TAFA1: variants seen among roughly 807,000 people sequenced by gnomAD.
The protein encoded by TAFA1 is TAFA chemokine like family member 1.
Under a neutral mutation model 18.5 loss-of-function variants are expected in TAFA1, and 4 were observed. The ratio of observed to expected loss-of-function variants is 0.22; its 90% CI spans 0.11 to 0.49. The LOEUF is 0.49. Ranked by LOEUF, TAFA1 falls within the 20% of genes least tolerant of loss-of-function variation. The pLI, the probability that TAFA1 is intolerant of heterozygous loss-of-function variation, is 0.98. For synonymous variants in TAFA1, 56 were observed against 55.2 expected (o/e 1.01, Z -0.06); for missense variants, 147 against 169.0 (o/e 0.87, Z 0.72).
At chr3:68,430,779 G>A (rs905451175) in intron 3 of TAFA1, among the ~76,000 whole-genome samples, 2 of 151,816 alleles carry the variant, frequency 1.3e-5, no homozygotes, top group Admixed American at 6.6e-5. Context: ...ACTCCCAACC[G>A]CTCACACTGC....
intron 2 of TAFA1, among the ~76,000 whole-genome samples, chr3:68,338,289 A>C (rs2069011436): frequency 6.6e-6 from 1 of 152,162 alleles, no homozygotes; most frequent in African/African-American, 2.4e-5. Context: ...TTTAATTCCA[A>C]AGCAATTGCC....
At chr3:68,041,491 C>A (rs1575587733) in intron 2 of TAFA1, among the ~76,000 whole-genome samples, 1 of 152,014 alleles carries the variant, frequency 6.6e-6, no homozygotes, top group Admixed American at 6.6e-5. Context: ...TTTTTTCTCC[C>A]ATTTTCCTGA....
At chr3:68,068,616 C>T (rs1044371723) in intron 2 of TAFA1, among the ~76,000 whole-genome samples, 3 of 152,110 alleles carry the variant, frequency 2.0e-5, no homozygotes, top group South Asian at 2.1e-4. Flanking sequence ...AAGACAAACC[C>T]GAGAGAACAT....
chr3:68,313,765 G>A (rs1218205665), intron 2 of TAFA1, among the ~76,000 whole-genome samples: 1 of 152,126 alleles, frequency 6.6e-6, no homozygotes, highest in Non-Finnish European at 1.5e-5. Context: ...TGTGTTGTTT[G>A]CCTAAATCAA....
chr3:68,496,907 C>T (rs1039119603), intron 3 of TAFA1, among the ~76,000 whole-genome samples: 1 of 152,014 alleles, frequency 6.6e-6, no homozygotes, highest in African/African-American at 2.4e-5. Flanking sequence ...CCCACAACAC[C>T]ATCATCATCA....
At chr3:68,514,982 G>T (rs2072900469) in intron 3 of TAFA1, among the ~76,000 whole-genome samples, 1 of 151,900 alleles carries the variant, frequency 6.6e-6, no homozygotes, top group South Asian at 2.1e-4. Flanking sequence ...TAATAAAATG[G>T]CTATTGTTTC....
At chr3:68,276,446 T>C (rs1437459984) in intron 2 of TAFA1, among the ~76,000 whole-genome samples, 1 of 152,164 alleles carries the variant, frequency 6.6e-6, no homozygotes, top group African/African-American at 2.4e-5. Flanking sequence ...AAAGTATTAA[T>C]GCCATGCCAC....
At chr3:68,294,508 GC>G (rs541527814) in intron 2 of TAFA1, among the ~76,000 whole-genome samples, 152 of 152,210 alleles carry the variant, frequency 1.0e-3, no homozygotes, top group African/African-American at 3.5e-3. Flanking sequence ...ATGCAGTTCT[GC>G]CAAAACGATT....
At chr3:68,031,658 T>G (rs1316137489) in intron 2 of TAFA1, among the ~76,000 whole-genome samples, 1 of 152,004 alleles carries the variant, frequency 6.6e-6, no homozygotes. Context: ...CCTAGCAGAG[T>G]GGCCGGTAAT....
At chr3:68,213,023 T>A (rs1384072799) in intron 2 of TAFA1, among the ~76,000 whole-genome samples, 1 of 143,940 alleles carries the variant, frequency 6.9e-6, no homozygotes, top group Admixed American at 6.9e-5. Context: ...ATGGTGGTAT[T>A]TTTTTTTTTT....
intron 2 of TAFA1, among the ~76,000 whole-genome samples, chr3:68,224,237 TAAGAA>T (rs1263040555): frequency 6.6e-6 from 1 of 152,114 alleles, no homozygotes; most frequent in African/African-American, 2.4e-5. Flanking sequence ...AGAATAAGAC[TAAGAA>T]GAGTACTGAC....
At chr3:68,275,546 G>GA (rs1413529115) in intron 2 of TAFA1, among the ~76,000 whole-genome samples, 2 of 151,660 alleles carry the variant, frequency 1.3e-5, no homozygotes, top group African/African-American at 4.8e-5. Context: ...CACTGTGGGG[G>GA]AATCAAACAC....
intron 3 of TAFA1, among the ~76,000 whole-genome samples, chr3:68,516,399 C>A (rs1559701573): frequency 6.6e-6 from 1 of 152,118 alleles, no homozygotes; most frequent in Non-Finnish European, 1.5e-5. Flanking sequence ...ACTGAGCTGT[C>A]CTTCAAGAAA....
chr3:68,193,582 AT>A (rs1183616778), intron 2 of TAFA1, among the ~76,000 whole-genome samples: 2 of 151,782 alleles, frequency 1.3e-5, no homozygotes, highest in African/African-American at 2.4e-5. Context: ...AGTTTGCTGC[AT>A]TTTTGAGTGT....
chr3:68,328,923 T>A (rs1313440122), intron 2 of TAFA1, among the ~76,000 whole-genome samples: 3 of 151,754 alleles, frequency 2.0e-5, no homozygotes, highest in Admixed American at 6.6e-5. Context: ...GAAATAAAAA[T>A]CAAATAGGAA....
chr3:68,411,429 A>G (rs1374412179), intron 2 of TAFA1, among the ~76,000 whole-genome samples: 1 of 152,202 alleles, frequency 6.6e-6, no homozygotes, highest in Non-Finnish European at 1.5e-5. Flanking sequence ...TTGTTCAATC[A>G]TCTACCCATC....
chr3:68,133,830 G>T (rs1389086634), intron 2 of TAFA1, among the ~76,000 whole-genome samples: 1 of 151,982 alleles, frequency 6.6e-6, no homozygotes, highest in Non-Finnish European at 1.5e-5. Flanking sequence ...CACAGTCTTT[G>T]CCCTCAAAAA....
chr3:68,309,225 C>T (rs1347803832), intron 2 of TAFA1, among the ~76,000 whole-genome samples: 1 of 152,130 alleles, frequency 6.6e-6, no homozygotes, highest in African/African-American at 2.4e-5. Flanking sequence ...ACATACAAAG[C>T]ATACGATAGG....
At chr3:68,197,759 A>G (rs1042836370) in intron 2 of TAFA1, among the ~76,000 whole-genome samples, 1 of 151,726 alleles carries the variant, frequency 6.6e-6, no homozygotes, top group Non-Finnish European at 1.5e-5. Flanking sequence ...CTCTGATGAT[A>G]CACTTAGTTG....
Sources: gnomAD v4.1 joint callset for allele counts (sites outside exome capture counted in the v4.1 genomes callset) on GRCh38, gnomAD v4.1.1 for gene constraint, MANE v1.5 for transcripts, NCBI Gene and HGNC (gene_info 2026-07-23, HGNC 2026-07-21) for gene names.